The following KCTD10 variants were observed in gnomAD, a reference collection of about 807,000 sequenced individuals.
The protein encoded by KCTD10 is potassium channel tetramerization domain containing 10, also known as BTB/POZ domain-containing adapter for CUL3-mediated RhoA degradation protein 3.
Under a neutral mutation model 34.6 loss-of-function variants are expected in KCTD10, and 13 were observed. The observed-to-expected ratio is 0.38, with a 90% CI of 0.24 to 0.60. The LOEUF is 0.60. KCTD10 is among the 20% of genes least tolerant of loss of function. The pLI, the probability that KCTD10 is intolerant of heterozygous loss-of-function variation, is 0.66. For missense variants in KCTD10, 256 were observed against 420.3 expected (o/e 0.61, Z 3.42); for synonymous variants, 156 against 168.8 (o/e 0.92, Z 0.59).
intron 1 of KCTD10, chr12:109,470,000 G>A: frequency 2.4e-6 from 3 of 1,226,480 alleles, no homozygotes; most frequent in Non-Finnish European, 2.1e-6. Context: ...GCATCCCCTA[G>A]TTTGTCCCAA....
intron 1 of KCTD10, among the ~76,000 whole-genome samples, chr12:109,473,859 GC>G (rs1874017962): frequency 6.7e-6 from 1 of 148,818 alleles, no homozygotes; most frequent in Non-Finnish European, 1.5e-5. Context: ...TCAGCTCACC[GC>G]AACGTCTGCC....
At chr12:109,455,335 C>G (rs1196400337) in intron 6 of KCTD10, 2 of 151,732 alleles carry the variant, frequency 1.3e-5, no homozygotes, top group African/African-American at 4.9e-5. Flanking sequence ...GGCGTGATGG[C>G]ACAGGGGAAA....
In KCTD10 at chr12:109,451,432, A is replaced by C; in HGVS notation, c.*163T>G. 3.0e-6 allele frequency: 2 copies of C among 658,028 alleles called. No individual in the cohort carries two copies. Among genetic ancestry groups the C allele is most frequent in the South Asian group, 4.3e-5 (2 of 46,810 alleles). 40.8% of individuals were successfully genotyped at this position (658,028 alleles called of 1,614,324 possible). On this transcript the variant is annotated 3_prime_UTR_variant, in exon 7 of 7. Transcript: ENST00000228495. The surrounding 1 kb of genome is among the most constrained non-coding windows in gnomAD (Gnocchi z 5.0). Reference sequence around the variant, plus strand: ...TCATACGCCTGGGTCAAGACAATCAATTTGCCTTGTCAAGCAATACCAAAA... The same window carrying C: ...TCATACGCCTGGGTCAAGACAATCACTTTGCCTTGTCAAGCAATACCAAAA...
In KCTD10 at chr12:109,450,864, A is replaced by G. The variant is rs1024726470; in HGVS notation, c.*731T>C. The G allele has an allele frequency of 2.6e-5, 4 of 153,208 alleles. No homozygotes were observed. Among genetic ancestry groups the G allele is most frequent in the African/African-American group, 9.6e-5 (4 of 41,500 alleles). The allele number at this position is 153,208 out of a possible 1,614,324, so 9.5% of individuals were successfully genotyped here. ...TGGAAAGTTCTGCTCCTACGCAGAC[A>G]TATGGGGTCCCAGTGAGCACCAGGC... On this transcript the variant is annotated 3_prime_UTR_variant, in exon 7 of 7. Transcript: ENST00000228495.
At chr12:109,474,981 A>C (rs1044290582) in intron 1 of KCTD10, among the ~76,000 whole-genome samples, 2 of 152,194 alleles carry the variant, frequency 1.3e-5, no homozygotes, top group African/African-American at 2.4e-5. Context: ...TCCTTCGTGA[A>C]ATTCAAGCAA....
intron 1 of KCTD10, among the ~76,000 whole-genome samples, chr12:109,475,618 G>A (rs1874149378): frequency 6.6e-6 from 1 of 152,170 alleles, no homozygotes; most frequent in African/African-American, 2.4e-5. Flanking sequence ...TTCGGATGTG[G>A]GACCAGGGCT....
Position 109,460,538 on chromosome 12 carries a change from C to A in KCTD10, c.387+98G>T. The A allele has an allele frequency of 1.5e-6, 2 of 1,302,442 alleles. No homozygotes were observed. The highest frequency in any genetic ancestry group is 2.7e-5 in the South Asian group (2 of 72,820). The allele number at this position is 1,302,442 out of a possible 1,614,324, so 80.7% of individuals were successfully genotyped here. A position where few individuals can be genotyped will look rare whatever the true frequency, so the allele number is the denominator to read the frequency against. On this transcript the variant is annotated intron_variant, in intron 3 of 6. Transcript: ENST00000228495. The surrounding 1 kb of genome is among the most constrained non-coding windows in gnomAD (Gnocchi z 4.5). Reference sequence around the variant, plus strand: ...TCATTAACTCTCACAACATCTCAGTCAGACAGAAACTGCCCCCATTTTGCA... The same window carrying A: ...TCATTAACTCTCACAACATCTCAGTAAGACAGAAACTGCCCCCATTTTGCA...
chr12:109,458,326 C>T, intron 3 of KCTD10: 2 of 446,780 alleles, frequency 4.5e-6, no homozygotes, highest in Non-Finnish European at 8.0e-6. Flanking sequence ...GACACATTTT[C>T]CACAGCCCAG....
intron 1 of KCTD10, chr12:109,471,349 G>T (rs12822974): frequency 0.18 from 175,821 of 985,136 alleles, 15,822 homozygotes; most frequent in African/African-American, 0.18. Flanking sequence ...CCCAACAGTG[G>T]CCTGGATATC....
At chr12:109,466,086 T>C (rs1234503324) in intron 2 of KCTD10, among the ~76,000 whole-genome samples, 1 of 152,074 alleles carries the variant, frequency 6.6e-6, no homozygotes, top group African/African-American at 2.4e-5. Flanking sequence ...ACTGAACCTT[T>C]CCGGGAAGAG....
chr12:109,452,845 C>CTTTT (rs746503433), intron 6 of KCTD10, among the ~76,000 whole-genome samples: 10 of 143,744 alleles, frequency 7.0e-5, no homozygotes, highest in African/African-American at 1.9e-4. Context: ...GTTTTCTTTC[C>CTTTT]TTTTTTTTTA....
intron 2 of KCTD10, among the ~76,000 whole-genome samples, chr12:109,464,082 G>A (rs1365486066): frequency 2.6e-5 from 4 of 152,080 alleles, no homozygotes; most frequent in African/African-American, 9.7e-5. Flanking sequence ...CTCTCTCCCT[G>A]GATGTCTGAC....
intron 6 of KCTD10, among the ~76,000 whole-genome samples, chr12:109,452,921 A>G (rs527570933): frequency 3.3e-5 from 5 of 150,762 alleles, no homozygotes; most frequent in Non-Finnish European, 7.4e-5. Flanking sequence ...GAGCTTAATA[A>G]GGAGCAAGGG....
chr12:109,468,852 C>T (rs1873728488), intron 2 of KCTD10, among the ~76,000 whole-genome samples: 1 of 152,026 alleles, frequency 6.6e-6, no homozygotes, highest in Non-Finnish European at 1.5e-5. Flanking sequence ...TGGGGTTTCA[C>T]CTTGTTAGCC....
intron 4 of KCTD10, 143 bp from the exon 5 acceptor site, chr12:109,457,825 A>T: frequency 9.6e-7 from 1 of 1,037,064 alleles, no homozygotes; most frequent in Non-Finnish European, 1.5e-6. Flanking sequence ...GGGGGACCAC[A>T]TGACCCAATA....
intron 5 of KCTD10, chr12:109,457,314 A>C: frequency 7.9e-6 from 2 of 252,264 alleles, no homozygotes; most frequent in Non-Finnish European, 7.6e-6. Flanking sequence ...ACTGCTAACG[A>C]ATAGAGGGTT....
At position 109,460,478 on chromosome 12, in the gene KCTD10, C is replaced by G. The variant is rs150033200; in HGVS notation, c.387+158G>C. 1 of 716,504 alleles carries G rather than the reference C, an allele frequency of 1.4e-6. No individual in the cohort carries two copies. Among genetic ancestry groups the G allele is most frequent in the African/African-American group, 1.8e-5 (1 of 56,028 alleles). 44.4% of individuals were successfully genotyped at this position (716,504 alleles called of 1,614,324 possible). A position where few individuals can be genotyped will look rare whatever the true frequency, so the allele number is the denominator to read the frequency against. ...TGTTCCAGGGAGGCCTCTCAGGGGT[C>G]ACTCCAACCGAAGGAATCGGGCTCC... On this transcript the variant is annotated intron_variant, in intron 3 of 6. Coordinates refer to ENST00000228495, the MANE Select transcript of KCTD10 (RefSeq NM_031954.5). The surrounding 1 kb of genome is among the most constrained non-coding windows in gnomAD (Gnocchi z 4.5).
At chr12:109,458,326 C>G (rs1005650414) in intron 3 of KCTD10, 2 of 446,780 alleles carry the variant, frequency 4.5e-6, no homozygotes, top group Non-Finnish European at 4.0e-6. Flanking sequence ...GACACATTTT[C>G]CACAGCCCAG....
At chr12:109,456,825 T>G (rs1030913398) in intron 5 of KCTD10, 4 of 163,334 alleles carry the variant, frequency 2.4e-5, no homozygotes, top group Non-Finnish European at 4.0e-5. Context: ...CTGGTGGGAA[T>G]GTAAAATGGT....
Sources: gnomAD v4.1 joint callset for allele counts (sites outside exome capture counted in the v4.1 genomes callset) on GRCh38, gnomAD v4.1.1 for gene constraint, Gnocchi (gnomAD v3.1) non-coding constraint, MANE v1.5 for transcripts, NCBI Gene and HGNC (gene_info 2026-07-23, HGNC 2026-07-21) for gene names.